Variants in ETV1 observed in about 807,000 individuals in gnomAD.
The protein encoded by ETV1 is ETS translocation variant 1.
A neutral mutation model predicts 62.3 loss-of-function variants in ETV1; 27 were observed. The ratio of observed to expected loss-of-function variants is 0.43; its 90% CI spans 0.32 to 0.60. The LOEUF is 0.60. Among genes scored for constraint, ETV1 ranks in the 20% least tolerant of loss-of-function variants. The pLI is 0.06. For missense variants in ETV1, 605 were observed against 605.8 expected (o/e 1.00, Z 0.01); for synonymous variants, 222 against 199.6 (o/e 1.11, Z -0.94).
chr7:13,988,558 CCCCCACA>C, intron 3 of ETV1: 1 of 692,592 alleles, frequency 1.4e-6, no homozygotes, highest in Non-Finnish European at 2.0e-6. Flanking sequence ...CCCCACCCCA[CCCCCACA>C]AAAAAAAAAA....
At chr7:13,928,456 A>T (rs1227480013) in intron 9 of ETV1, among the ~76,000 whole-genome samples, 1 of 151,992 alleles carries the variant, frequency 6.6e-6, no homozygotes, top group Non-Finnish European at 1.5e-5. Context: ...CTCTACTAAA[A>T]ATACAAAATT....
chr7:13,966,036 G>A (rs1790740101), intron 6 of ETV1, among the ~76,000 whole-genome samples: 1 of 152,144 alleles, frequency 6.6e-6, no homozygotes, highest in South Asian at 2.1e-4. Flanking sequence ...TAGGATCTAT[G>A]TAAAGTATGT....
intron 6 of ETV1, among the ~76,000 whole-genome samples, chr7:13,964,833 C>A (rs115617841): frequency 0.01 from 1,598 of 152,210 alleles, 37 homozygotes; most frequent in African/African-American, 0.037. Flanking sequence ...ATTTTCCCAA[C>A]ACACAGCTAA....
rs200758538 is a variant in ETV1, at chr7:13,962,202, C to CGTGT, written c.235+15221_235+15224dup. 1.2e-3 allele frequency among the ~76,000 whole-genome samples: 183 copies of CGTGT among 148,950 alleles called. 2 individuals are homozygous for CGTGT. Among genetic ancestry groups the CGTGT allele is most frequent in the African/African-American group, 4.4e-3 (174 of 39,914 alleles). ...ATGTACACACACACACACACACACA[C>CGTGT]GTGTGTGTGTGTATATATATAAATA... is the stretch of plus-strand genomic sequence containing the variant. On this transcript the variant is annotated intron_variant, in intron 6 of 13. Coordinates refer to ENST00000430479, the MANE Select transcript of ETV1 (RefSeq NM_004956.5).
intron 7 of ETV1, among the ~76,000 whole-genome samples, chr7:13,936,175 C>T (rs959730351): frequency 2.0e-5 from 3 of 152,050 alleles, no homozygotes; most frequent in African/African-American, 4.8e-5. Flanking sequence ...GGGAAAATTA[C>T]GTCCAAAAAA....
In ETV1 at chr7:13,982,922, T is replaced by C. The variant is rs117738667; in HGVS notation, c.181+3716A>G. Among the ~76,000 whole-genome samples, 22 of 152,176 alleles carry C rather than the reference T, an allele frequency of 1.4e-4. No individual in the cohort carries two copies. In the South Asian group the frequency reaches 4.3e-3, roughly 30 times the overall value. On this transcript the variant is annotated intron_variant, in intron 5 of 13. Transcript: ENST00000430479. ...AAGTAACAATAGCACATATTACTTA[T>C]GATTTTGAATATAAATTTACCATCA...
At chr7:13,943,353 A>G (rs1187840893) in intron 6 of ETV1, among the ~76,000 whole-genome samples, 3 of 152,346 alleles carry the variant, frequency 2.0e-5, no homozygotes, top group Non-Finnish European at 2.9e-5. Context: ...CTAACCTGCA[A>G]AAGATAGACA....
chr7:13,910,296 T>C, intron 10 of ETV1, among the ~76,000 whole-genome samples: 1 of 150,382 alleles, frequency 6.6e-6, no homozygotes. Context: ...TCAACAGCTT[T>C]TCATAATAAT....
Position 13,938,997 on chromosome 7 carries a change from AT to A in ETV1, c.365+119del. The A allele has an allele frequency of 3.2e-6, 3 of 937,226 alleles. No individual in the cohort carries two copies. The African/African-American group carries it at 5.1e-5, about 16-fold the overall frequency. 58.1% of individuals were successfully genotyped at this position (937,226 alleles called of 1,614,324 possible). A position where few individuals can be genotyped will look rare whatever the true frequency, so the allele number is the denominator to read the frequency against. The stretch of plus-strand genomic sequence containing the variant: ...AGAGTTCTGCTAAATGCATTACCTA[AT>A]TAGCTTGTTACATATTAAAGACGTT... On this transcript the variant is annotated intron_variant, in intron 7 of 13. Coordinates refer to ENST00000430479, the MANE Select transcript of ETV1 (RefSeq NM_004956.5).
At chr7:13,936,694 A>C (rs2128456929) in intron 7 of ETV1, among the ~76,000 whole-genome samples, 1 of 152,306 alleles carries the variant, frequency 6.6e-6, no homozygotes, top group South Asian at 2.1e-4. Context: ...TTTTACTAAA[A>C]CTAAATTTTC....
rs76692364 is a variant in ETV1, at chr7:13,985,721, C to G, written c.181+917G>C. Among the ~76,000 whole-genome samples, 730 of 152,172 alleles carry G rather than the reference C, an allele frequency of 4.8e-3. 5 individuals carry two copies. Among genetic ancestry groups the G allele is most frequent in the African/African-American group, 0.017 (694 of 41,518 alleles). On this transcript the variant is annotated intron_variant, in intron 5 of 13. Coordinates refer to ENST00000430479, the MANE Select transcript of ETV1 (RefSeq NM_004956.5). ...CTATAATTTTTCTCTTTGTATTTCC[C>G]ACAAACCACACCATAAAATTAATGT...
At chr7:13,922,575 A>T (rs1176061551) in intron 9 of ETV1, among the ~76,000 whole-genome samples, 1 of 152,186 alleles carries the variant, frequency 6.6e-6, no homozygotes, top group African/African-American at 2.4e-5. Flanking sequence ...GCGAGACCCT[A>T]TCTCTTTAAA....
rs1324736651 is a variant in ETV1 at position 13,895,106 on chromosome 7, C to T, written c.*760G>A. 1.7e-5 allele frequency: 4 copies of T among 233,120 alleles called. No homozygotes were observed. The highest frequency in any genetic ancestry group is 1.2e-3 in the Middle Eastern group (1 of 808). The allele number at this position is 233,120 out of a possible 1,614,324, so 14.4% of individuals were successfully genotyped here. On this transcript the variant is annotated 3_prime_UTR_variant, in exon 14 of 14. Transcript: ENST00000430479. ...AATGGGCTTCAAAATATTTAAAAGA[C>T]GGTATGATTTGTATCTAAACAGCAA...
Position 13,931,589 on chromosome 7 carries a change from T to G in ETV1, c.715A>C (p.Asn239His). The G allele has an allele frequency of 6.2e-7, 1 of 1,614,080 alleles. No homozygotes were observed. The highest frequency in any genetic ancestry group is 2.2e-5 in the East Asian group (1 of 44,882). Residue 239 changes from asparagine to histidine, a missense_variant, in exon 9 of 14, where the codon AAC (asparagine) becomes CAC (histidine). This residue lies in a region of ETV1 where 426 missense variants were observed against 377.8 expected (regional missense o/e 1.13). Transcript: ENST00000430479. The stretch of plus-strand genomic sequence containing the variant: ...CTGGCCGCACTGCCAACCATGGTGT[T>G]GTGTTCATACACTGGGTCGTGGTAC... The part of the protein sequence containing the change: ...QEYHDPVYEH[N>H]TMVGSAASQS...
At chr7:13,957,242 T>C (rs896024030) in intron 6 of ETV1, among the ~76,000 whole-genome samples, 37 of 152,002 alleles carry the variant, frequency 2.4e-4, no homozygotes, top group Non-Finnish European at 3.5e-4. Context: ...GCCGCCACCA[T>C]GCCCAGCTAA....
chr7:13,907,249 C>T (rs1026960505), intron 11 of ETV1, among the ~76,000 whole-genome samples: 1 of 152,094 alleles, frequency 6.6e-6, no homozygotes, highest in Non-Finnish European at 1.5e-5. Flanking sequence ...CATATACCTT[C>T]CTATTAAAGC....
At chr7:13,946,975 G>A (rs1281963603) in intron 6 of ETV1, among the ~76,000 whole-genome samples, 1 of 152,086 alleles carries the variant, frequency 6.6e-6, no homozygotes, top group East Asian at 1.9e-4. Flanking sequence ...ATTTTTAGTA[G>A]AGACGGGGTT....
chr7:13,957,115 T>A (rs1488531130), intron 6 of ETV1, among the ~76,000 whole-genome samples: 1 of 152,128 alleles, frequency 6.6e-6, no homozygotes, highest in Non-Finnish European at 1.5e-5. Flanking sequence ...AGAAGGAGTC[T>A]CGCTCTGTCG....
intron 12 of ETV1, among the ~76,000 whole-genome samples, chr7:13,901,717 C>A (rs1019896858): frequency 1.3e-5 from 2 of 152,156 alleles, no homozygotes; most frequent in African/African-American, 4.8e-5. Context: ...CCGAATAAAA[C>A]TGTGGGTAAT....
Sources: gnomAD v4.1 joint callset for allele counts (sites outside exome capture counted in the v4.1 genomes callset) on GRCh38, gnomAD v4.1.1 for gene constraint, gnomAD v4.1.1 regional missense constraint, MANE v1.5 for transcripts, NCBI Gene and HGNC (gene_info 2026-07-23, HGNC 2026-07-21) for gene names.